The following GAB2 variants were observed in gnomAD, a reference collection of about 807,000 sequenced individuals.
GAB2 encodes the protein GRB2 associated binding protein 2, also known as GRB2-associated-binding protein 2.
Under a neutral mutation model 65.5 loss-of-function variants are expected in GAB2, and 26 were observed. The ratio of observed to expected loss-of-function variants is 0.40; its 90% CI spans 0.29 to 0.55. GAB2 has a LOEUF of 0.55. GAB2 is among the 20% of genes least tolerant of loss of function. GAB2 has a pLI of 0.53. For synonymous variants in GAB2, 321 were observed against 329.6 expected (o/e 0.97, Z 0.28); for missense variants, 884 against 875.8 (o/e 1.01, Z -0.12).
At chr11:78,377,772 G>A (rs865988817) in intron 1 of GAB2, among the ~76,000 whole-genome samples, 2 of 152,036 alleles carry the variant, frequency 1.3e-5, no homozygotes, top group African/African-American at 2.4e-5. Flanking sequence ...TACTTACTAC[G>A]TAGTTAAGTA....
chr11:78,323,753 C>T (rs1855769533), intron 1 of GAB2, among the ~76,000 whole-genome samples: 1 of 149,756 alleles, frequency 6.7e-6, no homozygotes, highest in South Asian at 2.1e-4. Flanking sequence ...GTAATATATC[C>T]ATGGAACAAA....
intron 1 of GAB2, among the ~76,000 whole-genome samples, chr11:78,365,519 A>G (rs906316591): frequency 3.3e-5 from 5 of 152,218 alleles, no homozygotes; most frequent in Non-Finnish European, 1.5e-5. Flanking sequence ...GTCAACATCA[A>G]TTAAAGGGCT....
intron 2 of GAB2, among the ~76,000 whole-genome samples, chr11:78,274,332 T>G (rs189781581): frequency 8.5e-4 from 130 of 152,184 alleles, no homozygotes; most frequent in Non-Finnish European, 1.6e-3. Flanking sequence ...AGAGGGAGTA[T>G]CTGCTTGAAA....
At chr11:78,253,755 A>G (rs1416568519) in intron 2 of GAB2, among the ~76,000 whole-genome samples, 2 of 152,202 alleles carry the variant, frequency 1.3e-5, no homozygotes, top group African/African-American at 4.8e-5. Context: ...AAATGGTTTT[A>G]TCCTCATCAT....
At chr11:78,350,722 C>G (rs768847611) in intron 1 of GAB2, among the ~76,000 whole-genome samples, 1 of 151,824 alleles carries the variant, frequency 6.6e-6, no homozygotes, top group Non-Finnish European at 1.5e-5. Flanking sequence ...ATTTCCATTC[C>G]TGACTTAGCC....
chr11:78,300,530 AAC>A (rs1866972501), intron 1 of GAB2, among the ~76,000 whole-genome samples: 1 of 141,198 alleles, frequency 7.1e-6, no homozygotes. Flanking sequence ...AAAACAAAAA[AAC>A]AAAAAACTAC....
At chr11:78,403,337 T>C (rs544687460) in intron 1 of GAB2, among the ~76,000 whole-genome samples, 1 of 152,370 alleles carries the variant, frequency 6.6e-6, no homozygotes, top group East Asian at 1.9e-4. Context: ...ATTATGGCAA[T>C]ACTATGTAAG....
At chr11:78,288,780 C>T (rs1390952496) in intron 1 of GAB2, among the ~76,000 whole-genome samples, 5 of 152,152 alleles carry the variant, frequency 3.3e-5, no homozygotes, top group African/African-American at 7.2e-5. Context: ...ACACAATTCC[C>T]ATCAAAATCC....
intron 1 of GAB2, among the ~76,000 whole-genome samples, chr11:78,325,804 G>A (rs1343899746): frequency 6.6e-6 from 1 of 152,278 alleles, no homozygotes; most frequent in East Asian, 1.9e-4. Flanking sequence ...AATTTCTCTA[G>A]AAAATATGCC....
intron 1 of GAB2, among the ~76,000 whole-genome samples, chr11:78,389,305 G>GT (rs1856804548): frequency 7.1e-6 from 1 of 141,668 alleles, no homozygotes; most frequent in African/African-American, 2.6e-5. Flanking sequence ...AAAGCATGTG[G>GT]TTTTCCTTTT....
chr11:78,231,909 A>G (rs1341190016), intron 3 of GAB2: 1 of 152,232 alleles, frequency 6.6e-6, no homozygotes, highest in African/African-American at 2.4e-5. Flanking sequence ...GTCACTGGCC[A>G]TGTTTAAGAG....
intron 1 of GAB2, among the ~76,000 whole-genome samples, chr11:78,300,516 T>TAAAAAAACAAAAAAAC (rs58259701): frequency 1.4e-5 from 2 of 142,792 alleles, no homozygotes; most frequent in South Asian, 2.3e-4. Flanking sequence ...TTTAATTTTA[T>TAAAAAAACAAAAAAAC]AAAAAAACAA....
intron 2 of GAB2, among the ~76,000 whole-genome samples, chr11:78,252,891 G>A (rs1001186095): frequency 6.6e-6 from 1 of 151,700 alleles, no homozygotes; most frequent in African/African-American, 2.4e-5. Context: ...CAAGCCAGAA[G>A]TCCAGGCATT....
In GAB2 at chr11:78,404,209, G is replaced by A. The variant is rs538501778; in HGVS notation, c.75+13437C>T. On this transcript the variant is annotated intron_variant, in intron 1 of 9. Coordinates refer to ENST00000361507, the MANE Select transcript of GAB2 (RefSeq NM_080491.3). ...GAATCAACCTAAGTGTCCATCAATC[G>A]ATGAATGCATTTAAAAAATGTGGTA... 3.3e-5 allele frequency among the ~76,000 whole-genome samples: 5 copies of A among 152,220 alleles called. No individual in the cohort carries two copies. In the East Asian group the frequency reaches 7.7e-4, roughly 23 times the overall value.
Position 78,365,886 on chromosome 11 carries a change from A to G in GAB2, c.75+51760T>C, listed in dbSNP as rs183410000. ...GTCCTCCATAATTCTATCCCGCTCT[A>G]TGGAGGCATCAGAATTTCGTGAATA... is the stretch of plus-strand genomic sequence containing the variant. On this transcript the variant is annotated intron_variant, in intron 1 of 9. Coordinates refer to ENST00000361507, the MANE Select transcript of GAB2 (RefSeq NM_080491.3). Among the ~76,000 whole-genome samples the G allele has an allele frequency of 7.2e-5, 11 of 152,324 alleles. No homozygotes were observed. In the East Asian group the frequency reaches 1.5e-3, roughly 21 times the overall value.
intron 3 of GAB2, among the ~76,000 whole-genome samples, chr11:78,245,570 C>T (rs1358178393): frequency 1.3e-5 from 2 of 152,178 alleles, no homozygotes; most frequent in African/African-American, 4.8e-5. Flanking sequence ...ACTCACATGG[C>T]AAGAAATGGC....
chr11:78,247,132 G>C (rs899395767), intron 3 of GAB2, among the ~76,000 whole-genome samples: 1 of 152,112 alleles, frequency 6.6e-6, no homozygotes, highest in Admixed American at 6.5e-5. Flanking sequence ...TTTGTGATGG[G>C]GCCCAACCTG....
At chr11:78,308,316 G>C (rs932015395) in intron 1 of GAB2, among the ~76,000 whole-genome samples, 2 of 152,114 alleles carry the variant, frequency 1.3e-5, no homozygotes, top group Admixed American at 6.6e-5. Flanking sequence ...GCAGTAAGCC[G>C]TGACTGCAAC....
intron 6 of GAB2, 136 bp downstream of exon 6, chr11:78,223,273 TAAG>T: frequency 1.6e-6 from 1 of 638,178 alleles, no homozygotes. Context: ...ATTTCACAGA[TAAG>T]AAAACTGAGA....
Sources: gnomAD v4.1 joint callset for allele counts (sites outside exome capture counted in the v4.1 genomes callset) on GRCh38, gnomAD v4.1.1 for gene constraint, MANE v1.5 for transcripts, NCBI Gene and HGNC (gene_info 2026-07-23, HGNC 2026-07-21) for gene names.